Variants in BTBD9 observed in about 807,000 individuals in gnomAD.
BTBD9 encodes BTB domain containing 9, also known as BTB/POZ domain-containing protein 9.
A neutral mutation model predicts 64.3 loss-of-function variants in BTBD9; 49 were observed. The observed-to-expected ratio is 0.76, with a 90% confidence interval of 0.61 to 0.97. The LOEUF (loss-of-function observed/expected upper bound fraction) is 0.97, where lower values mean the gene tolerates loss of function less well. BTBD9 is among the 50% of genes least tolerant of loss of function. The probability of loss-of-function intolerance (pLI) is 0.00; values close to 1 mark genes in which losing one functional copy is unlikely to be tolerated. For missense variants in BTBD9, 598 were observed against 762.1 expected (o/e 0.78, Z 2.53); for synonymous variants, 260 against 274.7 (o/e 0.95, Z 0.53).
intron 6 of BTBD9, among the ~76,000 whole-genome samples, chr6:38,523,557 C>T (rs747183861): frequency 2.1e-4 from 32 of 152,164 alleles, no homozygotes; most frequent in Non-Finnish European, 4.1e-4. Context: ...GCCCTCTACA[C>T]ACCTTGTAGT....
intron 8 of BTBD9, among the ~76,000 whole-genome samples, chr6:38,287,985 C>G (rs976350528): frequency 5.3e-5 from 8 of 152,150 alleles, no homozygotes; most frequent in Admixed American, 2.6e-4. Flanking sequence ...AAGTCTCTAA[C>G]CAATACAAAT....
chr6:38,582,064 T>A (rs983575298), intron 4 of BTBD9, among the ~76,000 whole-genome samples: 5 of 151,970 alleles, frequency 3.3e-5, no homozygotes, highest in Admixed American at 6.6e-5. Context: ...TCTGGAAAAA[T>A]TTTTTTTAAT....
chr6:38,623,155 C>A (rs1778047239), intron 1 of BTBD9, among the ~76,000 whole-genome samples: 1 of 152,120 alleles, frequency 6.6e-6, no homozygotes, highest in South Asian at 2.1e-4. Flanking sequence ...GTCTACCCAG[C>A]TAAGACATAT....
rs537991078 is a variant in BTBD9 at position 38,194,793 on chromosome 6, C to T, written c.1563-2196G>A. ...GCTCCTCTTGCCTCCACTCTCCTCT[C>T]CCTACGTCAGTCTGGGCTCTGGGCT... On this transcript the variant is annotated intron_variant, in intron 9 of 10. Transcript: ENST00000481247. Among the ~76,000 whole-genome samples the T allele has an allele frequency of 2.6e-5, 4 of 152,314 alleles. No individual in the cohort carries two copies. The East Asian group carries it at 5.8e-4, about 22-fold the overall frequency.
At chr6:38,516,202 C>A (rs1455936975) in intron 6 of BTBD9, among the ~76,000 whole-genome samples, 1 of 151,876 alleles carries the variant, frequency 6.6e-6, no homozygotes, top group African/African-American at 2.4e-5. Flanking sequence ...ATCACCTTCA[C>A]TGGACTAGAA....
At chr6:38,461,712 T>C (rs1770094247) in intron 6 of BTBD9, among the ~76,000 whole-genome samples, 1 of 152,224 alleles carries the variant, frequency 6.6e-6, no homozygotes, top group Non-Finnish European at 1.5e-5. Context: ...TATGTAGGTA[T>C]ATGTTTAACT....
At chr6:38,375,664 C>T (rs1439221717) in intron 6 of BTBD9, among the ~76,000 whole-genome samples, 6 of 152,076 alleles carry the variant, frequency 3.9e-5, no homozygotes, top group Non-Finnish European at 5.9e-5. Flanking sequence ...TAGATTTCTT[C>T]AAAGAAGACA....
intron 8 of BTBD9, among the ~76,000 whole-genome samples, chr6:38,262,303 G>T (rs369505905): frequency 2.0e-5 from 3 of 152,304 alleles, no homozygotes; most frequent in Non-Finnish European, 2.9e-5. Context: ...AAAGGAAGTT[G>T]CTGGCCAAGA....
intron 6 of BTBD9, among the ~76,000 whole-genome samples, chr6:38,352,438 G>A (rs1296193466): frequency 1.3e-5 from 2 of 151,644 alleles, no homozygotes; most frequent in African/African-American, 4.8e-5. Context: ...TCGGCCAGAA[G>A]CCTTGATCAG....
intron 9 of BTBD9, among the ~76,000 whole-genome samples, chr6:38,208,406 C>G (rs1277470473): frequency 1.3e-5 from 2 of 152,172 alleles, no homozygotes; most frequent in Admixed American, 6.5e-5. Context: ...TCTCTTTAAT[C>G]ATATCTAAAG....
chr6:38,453,433 G>A (rs1176889194), intron 6 of BTBD9, among the ~76,000 whole-genome samples: 16 of 152,124 alleles, frequency 1.1e-4, no homozygotes, highest in Admixed American at 1.0e-3. Context: ...CTGTTCAGCA[G>A]CTTGTTACAT....
chr6:38,450,933 T>C (rs764438132), intron 6 of BTBD9, among the ~76,000 whole-genome samples: 8 of 152,180 alleles, frequency 5.3e-5, no homozygotes, highest in Non-Finnish European at 1.0e-4. Context: ...ATCACTGGGC[T>C]GTCCAAATAG....
At chr6:38,523,146 G>A (rs1205345113) in intron 6 of BTBD9, among the ~76,000 whole-genome samples, 1 of 152,100 alleles carries the variant, frequency 6.6e-6, no homozygotes, top group Non-Finnish European at 1.5e-5. Flanking sequence ...TCGCTCCACT[G>A]TACTCCAGCC....
At chr6:38,597,172 C>T (rs910516) in intron 2 of BTBD9, among the ~76,000 whole-genome samples, 102,427 of 152,050 alleles carry the variant, frequency 0.67, 35,171 homozygotes, top group African/African-American at 0.82. Flanking sequence ...TTAATTCTGA[C>T]TATAAAAGCC....
intron 7 of BTBD9, among the ~76,000 whole-genome samples, chr6:38,303,874 T>TATATATATATATATATATAC (rs368257334): frequency 2.9e-4 from 24 of 82,628 alleles, no homozygotes; most frequent in Non-Finnish European, 5.4e-4. Flanking sequence ...TATATATATA[T>TATATATATATATATATATAC]ACACACACAC....
chr6:38,423,005 C>T (rs1767975648), intron 6 of BTBD9, among the ~76,000 whole-genome samples: 1 of 151,928 alleles, frequency 6.6e-6, no homozygotes, highest in African/African-American at 2.4e-5. Flanking sequence ...TGGCTGAGGC[C>T]TATAATCCCA....
Position 38,175,141 on chromosome 6 carries a change from G to A in BTBD9, c.1683C>T (p.Ser561=), listed in dbSNP as rs780164771. 6.2e-7 allele frequency: 1 copy of A among 1,614,112 alleles called. No homozygotes were observed. Residue 561 remains serine (S), a synonymous_variant, in exon 11 of 11, where the codon AGC becomes AGT. Transcript: ENST00000481247. ...CVHFECPEQQ[S]SQKEENSEES... ...CCTCACTATTTTCCTCCTTCTGGCT[G>A]CTCTGCTGCTCTGGACACTCAAAGT...
chr6:38,280,340 T>G (rs1322849493), intron 8 of BTBD9, among the ~76,000 whole-genome samples: 3 of 152,048 alleles, frequency 2.0e-5, no homozygotes, highest in African/African-American at 4.8e-5. Flanking sequence ...GACTTTAGAG[T>G]GATGCAGATA....
At chr6:38,347,962 G>A (rs1341440258) in intron 6 of BTBD9, among the ~76,000 whole-genome samples, 1 of 152,122 alleles carries the variant, frequency 6.6e-6, no homozygotes, top group Middle Eastern at 3.2e-3. Context: ...GCGCCACTGT[G>A]CTCCAGCCTG....
Sources: gnomAD v4.1 joint callset for allele counts (sites outside exome capture counted in the v4.1 genomes callset) on GRCh38, gnomAD v4.1.1 for gene constraint, MANE v1.5 for transcripts, NCBI Gene and HGNC (gene_info 2026-07-23, HGNC 2026-07-21) for gene names.